The following KCNMA1 variants were observed in gnomAD, a reference collection of about 807,000 sequenced individuals.
KCNMA1 encodes the protein potassium calcium-activated channel subfamily M alpha 1, also known as Calcium-activated potassium channel subunit alpha-1.
KCNMA1 carries 29 observed loss-of-function variants against 140.0 expected under a neutral mutation model. The ratio of observed to expected loss-of-function variants is 0.21; its 90% CI spans 0.15 to 0.28. The LOEUF (loss-of-function observed/expected upper bound fraction) is 0.28, where lower values mean the gene tolerates loss of function less well. KCNMA1 is among the 10% of genes least tolerant of loss of function. The pLI is 1.00. For synonymous variants in KCNMA1, 612 were observed against 611.9 expected (o/e 1.00, Z 0.00); for missense variants, 880 against 1,602.2 (o/e 0.55, Z 7.70).
intron 19 of KCNMA1, among the ~76,000 whole-genome samples, chr10:76,972,454 C>T (rs1422152296): frequency 3.9e-5 from 6 of 152,104 alleles, no homozygotes; most frequent in Non-Finnish European, 1.5e-5. Flanking sequence ...TGCATTGGGC[C>T]TATAACAAAT....
intron 3 of KCNMA1, among the ~76,000 whole-genome samples, chr10:77,206,630 C>T (rs1341967442): frequency 1.3e-5 from 2 of 152,094 alleles, no homozygotes; most frequent in African/African-American, 4.8e-5. Flanking sequence ...CTTCAACTGT[C>T]CAAGTTTTTG....
chr10:77,222,583 G>A (rs2050034596), intron 3 of KCNMA1, among the ~76,000 whole-genome samples: 1 of 152,170 alleles, frequency 6.6e-6, no homozygotes, highest in African/African-American at 2.4e-5. Flanking sequence ...TCAATTAGAG[G>A]CTTCTAGATC....
chr10:77,164,522 C>CT (rs113418170), intron 5 of KCNMA1, among the ~76,000 whole-genome samples: 10,220 of 146,936 alleles, frequency 0.07, 398 homozygotes, highest in East Asian at 0.15. Context: ...ATTGATCTTT[C>CT]TTTTTTTTTT....
intron 5 of KCNMA1, among the ~76,000 whole-genome samples, chr10:77,152,316 T>C (rs1158087823): frequency 1.9e-5 from 2 of 103,950 alleles, no homozygotes. Context: ...GTGTTGTTGC[T>C]GTTGTCATTA....
chr10:77,244,141 A>G (rs1156636366), intron 3 of KCNMA1, among the ~76,000 whole-genome samples: 2 of 152,218 alleles, frequency 1.3e-5, no homozygotes, highest in Non-Finnish European at 2.9e-5. Flanking sequence ...GAGATCAAGT[A>G]GAAAAGGACT....
chr10:77,057,578 T>C lies in KCNMA1; in HGVS notation c.1749+15519A>G, dbSNP rs1006952771. Among the ~76,000 whole-genome samples the C allele has an allele frequency of 3.3e-5, 5 of 152,164 alleles. No individual in the cohort carries two copies. The East Asian group carries it at 9.6e-4, about 29-fold the overall frequency. On this transcript the variant is annotated intron_variant, in intron 14 of 27. Coordinates refer to ENST00000286628, the MANE Select transcript of KCNMA1 (RefSeq NM_001161352.2). Reference sequence around the variant, plus strand: ...CTGATATAGTTTGCAACAGCTGTAATACATAATACAACTATAACATAAAAT... The same window carrying C: ...CTGATATAGTTTGCAACAGCTGTAACACATAATACAACTATAACATAAAAT...
At chr10:77,536,521 C>T (rs561343159) in intron 1 of KCNMA1, among the ~76,000 whole-genome samples, 81 of 152,286 alleles carry the variant, frequency 5.3e-4, no homozygotes, top group Non-Finnish European at 7.8e-4. Context: ...TTCATACCTA[C>T]GAACTCATCT....
chr10:77,073,088 A>G lies in KCNMA1; in HGVS notation c.1749+9T>C, dbSNP rs2096270334. 2 of 1,613,650 alleles carry G rather than the reference A, an allele frequency of 1.2e-6. No individual in the cohort carries two copies. Among genetic ancestry groups the G allele is most frequent in the Non-Finnish European group, 1.7e-6 (2 of 1,179,646 alleles). On this transcript the variant is annotated intron_variant, in intron 14 of 27. Coordinates refer to ENST00000286628, the MANE Select transcript of KCNMA1 (RefSeq NM_001161352.2). ...CGAGCTAATGTGCTCTAATAAGACGAGACGTTACCTTTATGAATGACCTCA... is the reference window on the plus strand; with the variant it reads ...CGAGCTAATGTGCTCTAATAAGACGGGACGTTACCTTTATGAATGACCTCA...
At chr10:77,248,723 T>G (rs943287171) in intron 3 of KCNMA1, among the ~76,000 whole-genome samples, 4 of 152,226 alleles carry the variant, frequency 2.6e-5, no homozygotes, top group Non-Finnish European at 5.9e-5. Context: ...ACTTCATTTT[T>G]TTTTCTCATT....
intron 1 of KCNMA1, among the ~76,000 whole-genome samples, chr10:77,518,619 G>A (rs892298226): frequency 6.6e-6 from 1 of 152,184 alleles, no homozygotes; most frequent in African/African-American, 2.4e-5. Context: ...GGACTGGAAG[G>A]GAGGAGGCCT....
chr10:77,035,290 G>C (rs2094243711), intron 15 of KCNMA1, among the ~76,000 whole-genome samples: 1 of 152,052 alleles, frequency 6.6e-6, no homozygotes, highest in Admixed American at 6.6e-5. Flanking sequence ...CTCCCGACAA[G>C]ACACAGCTCA....
intron 9 of KCNMA1, among the ~76,000 whole-genome samples, chr10:77,103,425 A>G (rs912903926): frequency 6.6e-6 from 1 of 152,196 alleles, no homozygotes; most frequent in African/African-American, 2.4e-5. Flanking sequence ...ACTGATAAGG[A>G]AGAAACCACC....
chr10:76,902,982 G>A (rs1044933306), intron 25 of KCNMA1: 7 of 152,214 alleles, frequency 4.6e-5, no homozygotes, highest in Admixed American at 2.0e-4. Context: ...ATCTCTGAGA[G>A]CTGGCTCAGA....
At chr10:77,110,482 G>A in intron 7 of KCNMA1, 139 bp from the exon 8 acceptor site, 1 of 786,452 alleles carries the variant, frequency 1.3e-6, no homozygotes, top group Non-Finnish European at 2.2e-6. Flanking sequence ...TGGTTCCCGG[G>A]CTGAGTTCTG....
chr10:77,176,593 C>A (rs1259404629), intron 5 of KCNMA1, among the ~76,000 whole-genome samples: 2 of 152,102 alleles, frequency 1.3e-5, no homozygotes, highest in Non-Finnish European at 1.5e-5. Flanking sequence ...CCGTGAATGA[C>A]CCCTGGAGCA....
At chr10:77,280,008 C>A (rs551928942) in intron 2 of KCNMA1, among the ~76,000 whole-genome samples, 1 of 152,192 alleles carries the variant, frequency 6.6e-6, no homozygotes, top group Non-Finnish European at 1.5e-5. Context: ...TGCCTCCCTT[C>A]GAACCCACAG....
chr10:76,997,480 T>C (rs980005250), intron 19 of KCNMA1, among the ~76,000 whole-genome samples: 1 of 152,250 alleles, frequency 6.6e-6, no homozygotes, highest in South Asian at 2.1e-4. Context: ...GAGTTACTGA[T>C]GCTTTGTGAC....
intron 14 of KCNMA1, among the ~76,000 whole-genome samples, chr10:77,047,588 C>CTTT (rs11304136): frequency 1.9e-4 from 26 of 137,418 alleles, no homozygotes; most frequent in Admixed American, 2.2e-4. Flanking sequence ...GGAAACTGGT[C>CTTT]TTTTTTTTTT....
intron 19 of KCNMA1, among the ~76,000 whole-genome samples, chr10:76,997,749 A>C (rs773118643): frequency 7.2e-5 from 11 of 152,182 alleles, no homozygotes; most frequent in Non-Finnish European, 1.0e-4. Context: ...TTTACATTTA[A>C]TAGTACTAGA....
Sources: gnomAD v4.1 joint callset for allele counts (sites outside exome capture counted in the v4.1 genomes callset) on GRCh38, gnomAD v4.1.1 for gene constraint, MANE v1.5 for transcripts, NCBI Gene and HGNC (gene_info 2026-07-23, HGNC 2026-07-21) for gene names.